Variants in TBX15 observed in about 807,000 individuals in gnomAD.
TBX15 encodes T-box transcription factor 15, also known as T-box transcription factor TBX15.
TBX15 carries 18 observed loss-of-function variants against 53.9 expected under a neutral mutation model. The ratio of observed to expected loss-of-function variants is 0.33; its 90% confidence interval spans 0.23 to 0.49. The LOEUF (loss-of-function observed/expected upper bound fraction) is 0.49. TBX15 is among the 20% of genes least tolerant of loss of function. The pLI, the probability that TBX15 is intolerant of heterozygous loss-of-function variation, is 0.98. For missense variants in TBX15, 692 were observed against 749.5 expected, an observed-to-expected ratio of 0.92 and a Z score of 0.90; for synonymous variants, 295 against 278.0, an observed-to-expected ratio of 1.06 and a Z score of -0.61.
chr1:118,907,187 A>C (rs983439312), intron 6 of TBX15, among the ~76,000 whole-genome samples: 4 of 152,200 alleles, frequency 2.6e-5, no homozygotes, highest in Non-Finnish European at 2.9e-5. Context: ...ATCTGGAGGA[A>C]ACTGTGTCAG....
chr1:118,963,572 C>G (rs1350796214), intron 1 of TBX15, among the ~76,000 whole-genome samples: 1 of 152,206 alleles, frequency 6.6e-6, no homozygotes, highest in Non-Finnish European at 1.5e-5. Flanking sequence ...ACTCTCTTCC[C>G]TAGCCATGGC....
At chr1:118,900,027 C>A (rs1654569460) in intron 6 of TBX15, among the ~76,000 whole-genome samples, 1 of 152,130 alleles carries the variant, frequency 6.6e-6, no homozygotes, top group Admixed American at 6.6e-5. Context: ...CAGACATATT[C>A]TTGATGATAT....
intron 1 of TBX15, among the ~76,000 whole-genome samples, chr1:118,953,217 A>G (rs1011423693): frequency 3.9e-5 from 6 of 152,222 alleles, no homozygotes; most frequent in Admixed American, 3.9e-4. Context: ...ACCCTCATAA[A>G]TGAGTCACTG....
intron 1 of TBX15, among the ~76,000 whole-genome samples, chr1:118,980,345 G>A (rs975520306): frequency 6.6e-6 from 1 of 152,128 alleles, no homozygotes; most frequent in African/African-American, 2.4e-5. Context: ...AAACTCCAAG[G>A]CTCCGGGCTA....
chr1:118,978,522 C>T (rs916902824), intron 1 of TBX15, among the ~76,000 whole-genome samples: 2 of 152,100 alleles, frequency 1.3e-5, no homozygotes, highest in Non-Finnish European at 2.9e-5. Flanking sequence ...TTTTTTTCAA[C>T]ATTAATATGT....
chr1:118,958,818 C>T (rs760946268), intron 1 of TBX15, among the ~76,000 whole-genome samples: 3 of 152,048 alleles, frequency 2.0e-5, no homozygotes, highest in Non-Finnish European at 2.9e-5. Flanking sequence ...TTTCTGATGG[C>T]CTGGTTCAAA....
intron 1 of TBX15, among the ~76,000 whole-genome samples, chr1:118,960,432 T>C (rs1198747476): frequency 6.6e-6 from 1 of 152,152 alleles, no homozygotes; most frequent in African/African-American, 2.4e-5. Flanking sequence ...CATCTAACCT[T>C]TGAAGCGAAT....
chr1:118,923,214 T>C (rs560962954), intron 5 of TBX15, among the ~76,000 whole-genome samples: 1 of 152,234 alleles, frequency 6.6e-6, no homozygotes, highest in Admixed American at 6.5e-5. Flanking sequence ...AAACTAAAGC[T>C]CTTCTTCTAT....
chr1:118,939,802 C>G (rs184718016), intron 1 of TBX15, among the ~76,000 whole-genome samples: 10 of 152,006 alleles, frequency 6.6e-5, no homozygotes, highest in Non-Finnish European at 1.3e-4. Context: ...AGTGATCCAG[C>G]ATGCTTTGAA....
chr1:118,981,756 A>G (rs922576087), intron 1 of TBX15, among the ~76,000 whole-genome samples: 1 of 152,218 alleles, frequency 6.6e-6, no homozygotes, highest in Non-Finnish European at 1.5e-5. Context: ...CAAGGGCCTC[A>G]CTTAAATTAA....
At chr1:118,969,172 A>G (rs1378621054) in intron 1 of TBX15, among the ~76,000 whole-genome samples, 1 of 152,218 alleles carries the variant, frequency 6.6e-6, no homozygotes, top group Non-Finnish European at 1.5e-5. Flanking sequence ...AGCTCAAAGG[A>G]TAGACCTCTC....
intron 6 of TBX15, among the ~76,000 whole-genome samples, chr1:118,901,203 G>A (rs1324390970): frequency 6.6e-6 from 1 of 152,124 alleles, no homozygotes; most frequent in African/African-American, 2.4e-5. Context: ...AGTTCTGGAG[G>A]CTGAGAAGTC....
chr1:118,936,795 GCCAGAGT>G (rs1296587918), intron 1 of TBX15, among the ~76,000 whole-genome samples: 2 of 152,128 alleles, frequency 1.3e-5, no homozygotes, highest in Non-Finnish European at 2.9e-5. Context: ...CATTATTGAT[GCCAGAGT>G]CCAGGTTACA....
chr1:118,893,236 T>G (rs9662827), intron 7 of TBX15, among the ~76,000 whole-genome samples: 1 of 138,566 alleles, frequency 7.2e-6, no homozygotes, highest in African/African-American at 2.8e-5. Flanking sequence ...AAAACTCTGT[T>G]GAAAAGAAAG....
At position 118,890,246 on chromosome 1, in the gene TBX15, C is replaced by A. The variant is rs75659168; in HGVS notation, c.1025-4730G>T. ...TGAATTATCTGTCCCTCCTCCCTCA[C>A]TTCCAGTTCAGGACAAGAATGGCTG... On this transcript the variant is annotated intron_variant, in intron 7 of 7. Transcript: ENST00000369429. Among the ~76,000 whole-genome samples, 1,469 of 152,256 alleles carry A rather than the reference C, an allele frequency of 9.6e-3. 24 individuals carry two copies. Among genetic ancestry groups the A allele is most frequent in the African/African-American group, 0.033 (1,386 of 41,546 alleles).
intron 1 of TBX15, among the ~76,000 whole-genome samples, chr1:118,953,346 G>C (rs998226619): frequency 6.6e-6 from 1 of 152,282 alleles, no homozygotes; most frequent in East Asian, 1.9e-4. Flanking sequence ...CAAATAAGAA[G>C]AGATTAAATA....
chr1:118,965,918 C>T (rs1657021760), intron 1 of TBX15, among the ~76,000 whole-genome samples: 1 of 152,082 alleles, frequency 6.6e-6, no homozygotes, highest in Admixed American at 6.6e-5. Flanking sequence ...TATAATATAT[C>T]ATACATGTAT....
At chr1:118,916,107 T>C (rs1222768497) in intron 5 of TBX15, among the ~76,000 whole-genome samples, 1 of 152,182 alleles carries the variant, frequency 6.6e-6, no homozygotes, top group African/African-American at 2.4e-5. Flanking sequence ...GCAACACAGG[T>C]GACAGAATGG....
intron 1 of TBX15, among the ~76,000 whole-genome samples, chr1:118,987,377 G>A (rs570442445): frequency 1.3e-5 from 2 of 152,394 alleles, no homozygotes; most frequent in South Asian, 2.1e-4. Context: ...TCCTTGCTTA[G>A]GCTGGCGACG....
Sources: allele counts gnomAD v4.1 joint callset (sites outside exome capture counted in the v4.1 genomes callset), GRCh38; gene constraint gnomAD v4.1.1; transcripts MANE v1.5; gene names NCBI Gene and HGNC (gene_info 2026-07-23, HGNC 2026-07-21).